MSI1: variants seen among roughly 807,000 people sequenced by gnomAD.
MSI1 encodes musashi RNA binding protein 1.
In MSI1, 15 loss-of-function variants were observed where a neutral mutation model predicts 54.4. That is an observed-to-expected ratio of 0.28 (90% confidence interval 0.18 to 0.42). MSI1 has a LOEUF of 0.42. Among genes scored for constraint, MSI1 ranks in the 20% least tolerant of loss-of-function variants. The pLI is 1.00. For missense variants in MSI1, 304 were observed against 506.0 expected, an observed-to-expected ratio of 0.60 and a Z score of 3.83; for synonymous variants, 200 against 196.5, an observed-to-expected ratio of 1.02 and a Z score of -0.15.
intron 4 of MSI1, among the ~76,000 whole-genome samples, chr12:120,365,441 CA>C (rs767562505): frequency 6.6e-6 from 1 of 151,836 alleles, no homozygotes; most frequent in Admixed American, 6.6e-5. Context: ...AAAACAAAAA[CA>C]AAAAAAATGT....
chr12:120,357,105 T>A, intron 8 of MSI1, 86 bp from the exon 9 acceptor site: 1 of 1,209,236 alleles, frequency 8.3e-7, no homozygotes, highest in Non-Finnish European at 1.2e-6. Flanking sequence ...TTATTAATTT[T>A]ATTAATTTCA....
chr12:120,368,511 G>T lies in MSI1; in HGVS notation c.101-238C>A, dbSNP rs958807619. Among the ~76,000 whole-genome samples, 1 of 152,038 alleles carries T rather than the reference G, an allele frequency of 6.6e-6. No individual in the cohort carries two copies. The highest frequency in any genetic ancestry group is 1.5e-5 in the Non-Finnish European group (1 of 67,962). On this transcript the variant is annotated intron_variant, in intron 2 of 14. Transcript: ENST00000257552. The surrounding 1 kb of genome is among the most constrained non-coding windows in gnomAD (Gnocchi z 6.6). ...GGCTGGAAGGGGGACGGCTCCGGCC[G>T]GGTTCCCGCCGCTCCGGGAGCAGCC...
intron 13 of MSI1, among the ~76,000 whole-genome samples, chr12:120,345,849 C>A (rs1359030788): frequency 6.6e-6 from 1 of 152,028 alleles, no homozygotes; most frequent in Admixed American, 6.6e-5. Context: ...CAAACCGTAC[C>A]CTGGATAAAA....
chr12:120,350,771 G>T (rs1874530136), intron 11 of MSI1, among the ~76,000 whole-genome samples: 1 of 152,196 alleles, frequency 6.6e-6, no homozygotes, highest in African/African-American at 2.4e-5. Context: ...GTCACCAAAG[G>T]GCTGGATTCG....
intron 13 of MSI1, 144 bp from the exon 14 acceptor site, chr12:120,345,776 C>T: frequency 1.1e-6 from 1 of 943,762 alleles, no homozygotes; most frequent in Non-Finnish European, 1.7e-6. Context: ...GTCTGCCTAC[C>T]CGGATCACCC....
chr12:120,365,410 C>T (rs750550881), intron 4 of MSI1, among the ~76,000 whole-genome samples: 2 of 152,158 alleles, frequency 1.3e-5, no homozygotes, highest in Non-Finnish European at 2.9e-5. Context: ...AAGCATTTGG[C>T]ATGGTGTCTA....
chr12:120,354,266 C>A (rs186864595), intron 9 of MSI1, among the ~76,000 whole-genome samples: 2 of 152,256 alleles, frequency 1.3e-5, no homozygotes, highest in African/African-American at 4.8e-5. Context: ...TGAGCCACCA[C>A]ACTTGGCCAG....
Position 120,368,373 on chromosome 12 carries a change from C to T in MSI1, c.101-100G>A, listed in dbSNP as rs1876159266. The T allele has an allele frequency of 1.2e-5, 15 of 1,295,900 alleles. No individual in the cohort carries two copies. Among genetic ancestry groups the T allele is most frequent in the South Asian group, 2.9e-5 (2 of 69,614 alleles). The allele number at this position is 1,295,900 out of a possible 1,614,324, so 80.3% of individuals were successfully genotyped here. A position where few individuals can be genotyped will look rare whatever the true frequency, so the allele number is the denominator to read the frequency against. On this transcript the variant is annotated intron_variant, in intron 2 of 14. Transcript: ENST00000257552. The surrounding 1 kb of genome is among the most constrained non-coding windows in gnomAD (Gnocchi z 6.6). ...GACCCCGGAGCGGCCCGGCCGCCCC[C>T]GCGCCAAGCTGCCCGCGCGTTCTCC...
downstream of MSI1, among the ~76,000 whole-genome samples, chr12:120,340,776 A>G (rs1873637901): frequency 6.6e-6 from 1 of 151,878 alleles, no homozygotes; most frequent in Admixed American, 6.6e-5. Context: ...AGCCTCCCCA[A>G]GTACTGGGAT....
In MSI1 at chr12:120,368,383, TG is replaced by T; in HGVS notation, c.101-111del. On this transcript the variant is annotated intron_variant, in intron 2 of 14. Transcript: ENST00000257552. This position sits in a 1 kb window ranked among gnomAD's most constrained non-coding sequence, Gnocchi z 6.6. ...CGGCCCGGCCGCCCCCGCGCCAAGC[TG>T]CCCGCGCGTTCTCCACTGCCGCCGC... The T allele has an allele frequency of 8.7e-7, 1 of 1,148,678 alleles. No homozygotes were observed. The highest frequency in any genetic ancestry group is 1.2e-6 in the Non-Finnish European group (1 of 849,732). The allele number at this position is 1,148,678 out of a possible 1,614,324, so 71.2% of individuals were successfully genotyped here.
At chr12:120,347,327 C>T in intron 12 of MSI1, 119 bp downstream of exon 12, 3 of 1,201,348 alleles carry the variant, frequency 2.5e-6, no homozygotes, top group Non-Finnish European at 3.6e-6. Flanking sequence ...TCAGGTGATA[C>T]TTGAGTGAAT....
chr12:120,365,688 C>T (rs1194531256), intron 4 of MSI1, among the ~76,000 whole-genome samples: 1 of 152,190 alleles, frequency 6.6e-6, no homozygotes, highest in African/African-American at 2.4e-5. Context: ...AGGCTGTGAG[C>T]AAACAGCTCC....
In MSI1 at chr12:120,369,014, A is replaced by AGGCCG. The variant is rs1234017815; in HGVS notation, c.59+14_59+18dup. The AGGCCG allele has an allele frequency of 1.3e-5, 14 of 1,058,412 alleles. No individual in the cohort carries two copies. In the Admixed American group the frequency reaches 6.7e-4, roughly 51 times the overall value. The allele number at this position is 1,058,412 out of a possible 1,614,324, so 65.6% of individuals were successfully genotyped here. On this transcript the variant is annotated intron_variant, in intron 1 of 14. Coordinates refer to ENST00000257552, the MANE Select transcript of MSI1 (RefSeq NM_002442.4). ...GGGCCGGGGCGGGCGCGGGCCAAGC[A>AGGCCG]GGCCGGGCCGGGCCGTACCAGGGGT...
Position 120,369,073 on chromosome 12 carries a change from G to T in MSI1, c.19C>A (p.Gln7Lys). Residue 7 changes from glutamine to lysine, a missense_variant, in exon 1 of 15, where the codon CAG (glutamine) becomes AAG (lysine). Physicochemically the swap from Gln to Lys is moderately conservative, Grantham distance 53. Coordinates refer to ENST00000257552, the MANE Select transcript of MSI1 (RefSeq NM_002442.4). METDAP[Q>K]PGLASPDSPH... is the part of the protein sequence containing the mutation. The stretch of plus-strand genomic sequence containing the variant: ...GAGTCCGGGGAGGCGAGGCCGGGCT[G>T]GGGCGCGTCAGTCTCCATCGGGAGC... 9.8e-7 allele frequency: 1 copy of T among 1,022,002 alleles called. No homozygotes were observed. Among genetic ancestry groups the T allele is most frequent in the Non-Finnish European group, 1.2e-6 (1 of 857,796 alleles). The allele number at this position is 1,022,002 out of a possible 1,614,324, so 63.3% of individuals were successfully genotyped here.
At chr12:120,351,857 C>T (rs1157185610) in intron 10 of MSI1, among the ~76,000 whole-genome samples, 5 of 151,354 alleles carry the variant, frequency 3.3e-5, no homozygotes, top group Non-Finnish European at 5.9e-5. Context: ...TACAGGCGCC[C>T]GCCACCACGC....
Position 120,356,870 on chromosome 12 carries a change from G to A in MSI1, c.652+32C>T, listed in dbSNP as rs201781664. 349 of 1,598,548 alleles carry A rather than the reference G, an allele frequency of 2.2e-4. 3 individuals carry two copies. In the East Asian group the frequency reaches 7.6e-3, roughly 35 times the overall value. On this transcript the variant is annotated intron_variant, in intron 9 of 14. Coordinates refer to ENST00000257552, the MANE Select transcript of MSI1 (RefSeq NM_002442.4). ...GCTAGTCCTGGGAGCAGTTCTGGCAGAAAGAAGCCGCAGGCGCAGGCTCGC... is the reference window on the plus strand; with the variant it reads ...GCTAGTCCTGGGAGCAGTTCTGGCAAAAAGAAGCCGCAGGCGCAGGCTCGC...
intron 10 of MSI1, among the ~76,000 whole-genome samples, chr12:120,351,651 G>T (rs1874607760): frequency 6.6e-6 from 1 of 151,876 alleles, no homozygotes; most frequent in South Asian, 2.1e-4. Flanking sequence ...CTGGAGCTAC[G>T]ATTCCAGGTG....
At chr12:120,366,910 G>C (rs35991355) in intron 4 of MSI1, among the ~76,000 whole-genome samples, 2 of 152,168 alleles carry the variant, frequency 1.3e-5, no homozygotes, top group Non-Finnish European at 2.9e-5. Context: ...GGGGATGGTA[G>C]CAGAACAGGC....
At chr12:120,348,620 A>G (rs1201135234) in intron 11 of MSI1, among the ~76,000 whole-genome samples, 2 of 150,452 alleles carry the variant, frequency 1.3e-5, no homozygotes, top group African/African-American at 4.9e-5. Context: ...GCGGTGGCTC[A>G]TGCCTGTGAT....
Sources: allele counts gnomAD v4.1 joint callset (sites outside exome capture counted in the v4.1 genomes callset), GRCh38; gene constraint gnomAD v4.1.1; non-coding constraint Gnocchi (gnomAD v3.1); transcripts MANE v1.5; gene names NCBI Gene and HGNC (gene_info 2026-07-23, HGNC 2026-07-21).